Variants in KIT observed in about 807,000 individuals in gnomAD.
The protein encoded by KIT is KIT proto-oncogene, receptor tyrosine kinase.
Under a neutral mutation model 105.7 loss-of-function variants are expected in KIT, and 16 were observed. That is an observed-to-expected ratio of 0.15 (90% confidence interval 0.10 to 0.23). KIT has a LOEUF of 0.23. Ranked by LOEUF, KIT falls within the 10% of genes least tolerant of loss-of-function variation. The pLI is 1.00. For synonymous variants in KIT, 438 were observed against 441.1 expected, an observed-to-expected ratio of 0.99 and a Z score of 0.09; for missense variants, 858 against 1,213.8, an observed-to-expected ratio of 0.71 and a Z score of 4.36.
In KIT at chr4:54,738,380, A is replaced by G. The variant is rs770796206; in HGVS notation, c.2803-49A>G. On this transcript the variant is annotated intron_variant, in intron 20 of 20. Transcript: ENST00000288135. ...CACTGTAAGTATGCCTTTTGTTGCT[A>G]TGTTCGTTGTAGGGACTGCTGTATT... is the stretch of plus-strand genomic sequence containing the variant. The G allele has an allele frequency of 2.5e-6, 4 of 1,607,436 alleles. No individual in the cohort carries two copies. The South Asian group carries it at 3.3e-5, about 13-fold the overall frequency.
At chr4:54,709,371 C>T in intron 6 of KIT, 53 bp from the exon 7 acceptor site, 6 of 1,109,452 alleles carry the variant, frequency 5.4e-6, no homozygotes, top group Non-Finnish European at 8.3e-6. Flanking sequence ...AAAAGACATG[C>T]CTTCCAAGGC....
chr4:54,683,343 G>T (rs73818382), intron 1 of KIT, among the ~76,000 whole-genome samples: 2,860 of 152,200 alleles, frequency 0.019, 73 homozygotes, highest in East Asian at 0.095. Context: ...AAGAGCAAAA[G>T]TATGCAGTTA....
intron 7 of KIT, among the ~76,000 whole-genome samples, chr4:54,713,083 T>A (rs73818390): frequency 0.033 from 4,944 of 152,026 alleles, 258 homozygotes; most frequent in African/African-American, 0.11. Context: ...TGAAAAAAAA[T>A]CTAGTTAACA....
chr4:54,702,876 C>A (rs3020824), intron 4 of KIT, among the ~76,000 whole-genome samples: 150,469 of 152,278 alleles, frequency 0.99, 74,372 homozygotes, highest in Middle Eastern at 1. Flanking sequence ...TTCCATGTCA[C>A]TATTAGCTCC....
At chr4:54,711,868 G>A (rs1721182433) in intron 7 of KIT, among the ~76,000 whole-genome samples, 1 of 150,896 alleles carries the variant, frequency 6.6e-6, no homozygotes, top group Admixed American at 6.6e-5. Context: ...GACAGAGGTT[G>A]CAGTGAGCTG....
rs116788291 is a variant in KIT, at chr4:54,712,613, T to C, written c.1231+3074T>C. Among the ~76,000 whole-genome samples, 770 of 152,356 alleles carry C rather than the reference T, an allele frequency of 5.1e-3. 6 individuals are homozygous for C. Among genetic ancestry groups the C allele is most frequent in the African/African-American group, 0.017 (714 of 41,584 alleles). ...TTTTCTCTGGTGGGGGCAAAATTGC[T>C]ACTAGGCTAATTTGCCATTCCAGCA... On this transcript the variant is annotated intron_variant, in intron 7 of 20. Transcript: ENST00000288135.
At chr4:54,702,071 A>C (rs73818386) in intron 4 of KIT, among the ~76,000 whole-genome samples, 4,221 of 152,290 alleles carry the variant, frequency 0.028, 190 homozygotes, top group African/African-American at 0.097. Context: ...ACAGCAAAGC[A>C]GGTTTCTGTT....
chr4:54,678,945 C>T (rs1251902747), intron 1 of KIT, among the ~76,000 whole-genome samples: 2 of 151,944 alleles, frequency 1.3e-5, no homozygotes, highest in African/African-American at 2.4e-5. Context: ...ACCCCCTCCC[C>T]CACCTTTGCT....
At chr4:54,734,198 T>C (rs1722779026) in intron 17 of KIT, among the ~76,000 whole-genome samples, 1 of 152,198 alleles carries the variant, frequency 6.6e-6, no homozygotes, top group Non-Finnish European at 1.5e-5. Flanking sequence ...AAGTCGTTAA[T>C]TATCCAGTCC....
chr4:54,729,219 T>G, intron 13 of KIT, 116 bp from the exon 14 acceptor site: 1 of 1,065,982 alleles, frequency 9.4e-7, no homozygotes, highest in Non-Finnish European at 1.4e-6. Flanking sequence ...GACTAAGTAG[T>G]CTGATCCACT....
chr4:54,682,886 G>C (rs774406084), intron 1 of KIT, among the ~76,000 whole-genome samples: 1 of 151,688 alleles, frequency 6.6e-6, no homozygotes, highest in African/African-American at 2.4e-5. Context: ...TGAGTAGCTG[G>C]GATTACAGGC....
At chr4:54,703,559 A>G (rs1351828272) in intron 4 of KIT, among the ~76,000 whole-genome samples, 165 bp from the exon 5 acceptor site, 1 of 152,202 alleles carries the variant, frequency 6.6e-6, no homozygotes, top group African/African-American at 2.4e-5. Context: ...AAGTGTTCCA[A>G]TGACAGACTT....
At chr4:54,680,292 G>T (rs1718809038) in intron 1 of KIT, among the ~76,000 whole-genome samples, 1 of 150,172 alleles carries the variant, frequency 6.7e-6, no homozygotes, top group South Asian at 2.1e-4. Context: ...ACTTATCTGT[G>T]TTTCATTTGA....
rs10603436 is a variant in KIT, at chr4:54,669,705, GA to G, written c.67+11639del. Among the ~76,000 whole-genome samples the G allele has an allele frequency of 1.9e-3, 246 of 132,696 alleles. 1 individual carries two copies. Among genetic ancestry groups the G allele is most frequent in the South Asian group, 4.3e-3 (17 of 3,978 alleles). 87.1% of individuals were successfully genotyped at this position (132,696 alleles called of 152,430 possible). A position where few individuals can be genotyped will look rare whatever the true frequency, so the allele number is the denominator to read the frequency against. On this transcript the variant is annotated intron_variant, in intron 1 of 20. Coordinates refer to ENST00000288135, the MANE Select transcript of KIT (RefSeq NM_000222.3). ...GAGAAAAGTCCAGGAGTCCAGAAAGGAAAAAAAAAAAAAAAGAAAGATGTAA... is the reference window on the plus strand; with the variant it reads ...GAGAAAAGTCCAGGAGTCCAGAAAGGAAAAAAAAAAAAAAGAAAGATGTAA...
chr4:54,709,299 T>A, intron 6 of KIT, 125 bp from the exon 7 acceptor site: 1 of 707,808 alleles, frequency 1.4e-6, no homozygotes, highest in Non-Finnish European at 2.6e-6. Context: ...TTGCTAATAC[T>A]TACTGAATTA....
chr4:54,672,854 TTCCTGA>T (rs1718208764), intron 1 of KIT, among the ~76,000 whole-genome samples: 1 of 152,222 alleles, frequency 6.6e-6, no homozygotes, highest in African/African-American at 2.4e-5. Flanking sequence ...TGGGAAGTAG[TTCCTGA>T]ATTATATGTC....
chr4:54,681,734 A>G (rs541138826), intron 1 of KIT, among the ~76,000 whole-genome samples: 8 of 152,094 alleles, frequency 5.3e-5, no homozygotes, highest in Non-Finnish European at 8.8e-5. Context: ...TTCTGTGTCC[A>G]AAGAGTAGTA....
rs775569383 is a variant in KIT, at chr4:54,699,650, G to A, written c.640G>A (p.Val214Met). ...TCTAGCCTTCAAAGCTGTGCCTGTT[G>A]TGTCTGTGTCCAAAGCAAGCTATCT... The part of the protein sequence containing the change: ...VRPAFKAVPV[V>M]SVSKASYLLR... The change falls in exon 4 of 21, where the codon GTG becomes ATG. Residue 214 changes from valine (V) to methionine (M), a missense_variant. By Grantham distance (21) the Val-to-Met change is conservative. Transcript: ENST00000288135. 1.2e-6 allele frequency: 2 copies of A among 1,613,886 alleles called. No homozygotes were observed. Among genetic ancestry groups the A allele is most frequent in the African/African-American group, 1.3e-5 (1 of 74,912 alleles).
intron 7 of KIT, among the ~76,000 whole-genome samples, chr4:54,712,299 C>T (rs1172390285): frequency 6.6e-6 from 1 of 152,140 alleles, no homozygotes; most frequent in Non-Finnish European, 1.5e-5. Flanking sequence ...AACAATTACT[C>T]TTTGTCAAAT....
Sources: gnomAD v4.1 joint callset for allele counts (sites outside exome capture counted in the v4.1 genomes callset) on GRCh38, gnomAD v4.1.1 for gene constraint, MANE v1.5 for transcripts, NCBI Gene and HGNC (gene_info 2026-07-23, HGNC 2026-07-21) for gene names.